AKAP7: variants seen among roughly 807,000 people sequenced by gnomAD.
AKAP7 encodes A-kinase anchoring protein 7.
A neutral mutation model predicts 39.5 loss-of-function variants in AKAP7; 39 were observed. The ratio of observed to expected loss-of-function variants is 0.99; its 90% confidence interval spans 0.76 to 1.29. The LOEUF (loss-of-function observed/expected upper bound fraction) is 1.29. Ranked by LOEUF, AKAP7 falls within the 50% of genes most tolerant of loss-of-function variation. The probability of loss-of-function intolerance (pLI) is 0.00; values close to 1 mark genes in which losing one functional copy is unlikely to be tolerated. For missense variants in AKAP7, 414 were observed against 407.7 expected, an observed-to-expected ratio of 1.02 and a Z score of -0.13; for synonymous variants, 140 against 139.1, an observed-to-expected ratio of 1.01 and a Z score of -0.05.
chr6:131,176,004 T>G (rs1804539179), intron 5 of AKAP7, among the ~76,000 whole-genome samples: 1 of 152,232 alleles, frequency 6.6e-6, no homozygotes, highest in South Asian at 2.1e-4. Context: ...AATAAATTGG[T>G]ATGCTTGTCT....
intron 7 of AKAP7, among the ~76,000 whole-genome samples, chr6:131,267,396 T>G (rs984858677): frequency 9.9e-5 from 15 of 152,226 alleles, no homozygotes; most frequent in African/African-American, 3.1e-4. Flanking sequence ...AGTCGAATTT[T>G]CTTTAGCGTT....
At chr6:131,134,798 T>C (rs1160355598), upstream of AKAP7, among the ~76,000 whole-genome samples, 4 of 152,212 alleles carry the variant, frequency 2.6e-5, no homozygotes, top group Admixed American at 2.0e-4. Context: ...CGAAGTGTTA[T>C]TATTCACGAA....
intron 7 of AKAP7, among the ~76,000 whole-genome samples, chr6:131,235,026 A>G (rs1810925929): frequency 6.6e-6 from 1 of 152,058 alleles, no homozygotes; most frequent in Non-Finnish European, 1.5e-5. Context: ...ATTTAACATT[A>G]GGTATATCTC....
chr6:131,143,804 C>T (rs1404199477), intron 1 of AKAP7, among the ~76,000 whole-genome samples: 6 of 136,924 alleles, frequency 4.4e-5, no homozygotes, highest in Admixed American at 1.5e-4. Context: ...GGGTGTTTCT[C>T]GCAGAGGGGG....
At chr6:131,217,015 C>T (rs1184686787) in intron 6 of AKAP7, among the ~76,000 whole-genome samples, 3 of 152,162 alleles carry the variant, frequency 2.0e-5, no homozygotes, top group African/African-American at 7.2e-5. Flanking sequence ...TTTGAACTCT[C>T]CTAACATTGT....
chr6:131,169,835 G>A (rs564036661), intron 5 of AKAP7, among the ~76,000 whole-genome samples: 2 of 152,152 alleles, frequency 1.3e-5, no homozygotes, highest in Admixed American at 1.3e-4. Context: ...GTCATGTCAT[G>A]TCATGTCATT....
chr6:131,185,148 T>C (rs1007301431), intron 5 of AKAP7: 2 of 572,968 alleles, frequency 3.5e-6, no homozygotes, highest in Non-Finnish European at 6.7e-6. Context: ...ACTGCTGCTG[T>C]CCTGAGAGAT....
At chr6:131,219,873 T>G in intron 7 of AKAP7, 65 bp downstream of exon 7, 1 of 1,137,074 alleles carries the variant, frequency 8.8e-7, no homozygotes. Context: ...ACTTTTATCT[T>G]GGCAAATATT....
intron 1 of AKAP7, 37 bp from the exon 2 acceptor site, chr6:131,145,247 TA>T: frequency 7.6e-7 from 1 of 1,313,808 alleles, no homozygotes. Flanking sequence ...AATGACAAGT[TA>T]AATAATCCTT....
At position 131,142,520 on chromosome 6, in the gene AKAP7, G is replaced by A. The variant is rs530335622; in HGVS notation, c.20-2765G>A. Among the ~76,000 whole-genome samples, 5 of 152,362 alleles carry A rather than the reference G, an allele frequency of 3.3e-5. No individual in the cohort carries two copies. The East Asian group carries it at 5.8e-4, about 18-fold the overall frequency. On this transcript the variant is annotated intron_variant, in intron 1 of 7. Coordinates refer to ENST00000431975, the MANE Select transcript of AKAP7 (RefSeq NM_016377.4). ...CAGAATAAATGCAAGAGTGAAGGAG[G>A]CATGGCAGCTTCCACCTAGATTTCA...
At position 131,158,327 on chromosome 6, in the gene AKAP7, CCTT is replaced by C. The variant is rs370788480; in HGVS notation, c.152-1728_152-1726del. ...TTGAGCCCAGACTTCTTTTCACAAT[CCTT>C]CTTAAGGCATTGTGTGCAGGCAGTT... is the stretch of plus-strand genomic sequence containing the variant. On this transcript the variant is annotated intron_variant, in intron 2 of 7. Transcript: ENST00000431975. 1.5e-3 allele frequency among the ~76,000 whole-genome samples: 230 copies of C among 152,270 alleles called. 5 individuals carry two copies. The South Asian group carries it at 0.046, about 30-fold the overall frequency.
chr6:131,166,214 G>A (rs1187653591), intron 4 of AKAP7, among the ~76,000 whole-genome samples: 2 of 152,180 alleles, frequency 1.3e-5, no homozygotes, highest in Non-Finnish European at 2.9e-5. Context: ...CAAGGACAGA[G>A]AGGAGGGGAG....
the AKAP7 span, among the ~76,000 whole-genome samples, chr6:131,126,646 G>A: frequency 6.6e-6 from 1 of 152,120 alleles, no homozygotes; most frequent in African/African-American, 2.4e-5. Context: ...GAGAAGCAGG[G>A]GAAAGAAGCA....
At chr6:131,235,862 C>CT (rs1390299074) in intron 7 of AKAP7, among the ~76,000 whole-genome samples, 1 of 152,180 alleles carries the variant, frequency 6.6e-6, no homozygotes, top group Non-Finnish European at 1.5e-5. Context: ...TGTATGTTGC[C>CT]TGTTCACACT....
chr6:131,130,922 G>A (rs565968721), upstream of AKAP7, among the ~76,000 whole-genome samples: 1 of 151,950 alleles, frequency 6.6e-6, no homozygotes, highest in Admixed American at 6.5e-5. Flanking sequence ...TGGCTTTGCA[G>A]GGAAAAAAAG....
intron 7 of AKAP7, among the ~76,000 whole-genome samples, chr6:131,234,035 G>A (rs1810835462): frequency 6.6e-6 from 1 of 152,166 alleles, no homozygotes; most frequent in African/African-American, 2.4e-5. Flanking sequence ...GGTCTTGGTT[G>A]TCACACTGGC....
rs1815313331 is a variant in AKAP7, at chr6:131,282,897, A to G, written c.*1171A>G. ...CGGGTCCTTGCAGAAAAAAACATAC[A>G]GACTGTGAACAAATCATTCACAAAC... On this transcript the variant is annotated 3_prime_UTR_variant, in exon 8 of 8. Coordinates refer to ENST00000431975, the MANE Select transcript of AKAP7 (RefSeq NM_016377.4). The G allele has an allele frequency of 3.7e-6, 1 of 271,470 alleles. No individual in the cohort carries two copies. Among genetic ancestry groups the G allele is most frequent in the Admixed American group, 4.8e-5 (1 of 20,720 alleles). The allele number at this position is 271,470 out of a possible 1,614,324, so 16.8% of individuals were successfully genotyped here.
rs763109484 is a variant in AKAP7 at position 131,160,135 on chromosome 6, G to GA, written c.236dup (p.Arg80GlufsTer24). On this transcript the variant is annotated frameshift_variant, in exon 3 of 8. Coordinates refer to ENST00000431975, the MANE Select transcript of AKAP7 (RefSeq NM_016377.4). LOFTEE classifies it high-confidence loss of function. ...TCAAGAGTGATCAAGTAAAGAAGAG[G>GA]AAAAAAAAGAGAAAAGATTATCAAC... 2.2e-5 allele frequency: 35 copies of GA among 1,608,252 alleles called. No homozygotes were observed. In the Admixed American group the frequency reaches 3.8e-4, roughly 17 times the overall value.
intron 7 of AKAP7, chr6:131,250,332 C>G: frequency 7.5e-7 from 1 of 1,334,732 alleles, no homozygotes; most frequent in Non-Finnish European, 9.7e-7. Context: ...GAATGCCAGT[C>G]CCAGAGCAGT....
Sources: gnomAD v4.1 joint callset for allele counts (sites outside exome capture counted in the v4.1 genomes callset) on GRCh38, gnomAD v4.1.1 for gene constraint, MANE v1.5 for transcripts, NCBI Gene and HGNC (gene_info 2026-07-23, HGNC 2026-07-21) for gene names.